Variants in ANKIB1 observed in about 807,000 individuals in gnomAD.
ANKIB1 encodes the protein ankyrin repeat and IBR domain containing 1, also known as ankyrin repeat and IBR domain-containing protein 1.
ANKIB1 carries 43 observed loss-of-function variants against 122.1 expected under a neutral mutation model. That is an observed-to-expected ratio of 0.35 (90% CI 0.28 to 0.45). The LOEUF (loss-of-function observed/expected upper bound fraction) is 0.45. Ranked by LOEUF, ANKIB1 falls within the 20% of genes least tolerant of loss-of-function variation. ANKIB1 has a pLI of 1.00. For missense variants in ANKIB1, 992 were observed against 1,329.5 expected, an observed-to-expected ratio of 0.75 and a Z score of 3.95; for synonymous variants, 390 against 442.0, an observed-to-expected ratio of 0.88 and a Z score of 1.48.
intron 5 of ANKIB1, among the ~76,000 whole-genome samples, chr7:92,342,199 ACAGAAATTGGTTTCAAATCT>A: frequency 6.6e-6 from 1 of 152,188 alleles, no homozygotes; most frequent in Non-Finnish European, 1.5e-5. Flanking sequence ...CTTTGGAATC[ACAGAAATTGGTTTCAAATCT>A]CTGTGTGAGC....
At chr7:92,281,976 G>A (rs1314912025) in intron 1 of ANKIB1, among the ~76,000 whole-genome samples, 1 of 152,006 alleles carries the variant, frequency 6.6e-6, no homozygotes, top group Non-Finnish European at 1.5e-5. Flanking sequence ...AAAATTTCAA[G>A]CATTTAACAC....
At chr7:92,369,043 AAAG>A (rs1265677761) in intron 10 of ANKIB1, among the ~76,000 whole-genome samples, 4 of 152,332 alleles carry the variant, frequency 2.6e-5, no homozygotes, top group East Asian at 1.9e-4. Flanking sequence ...GTTGATGCTG[AAAG>A]AAGAAGAAAG....
chr7:92,396,988 A>T (rs1176307878), intron 18 of ANKIB1, among the ~76,000 whole-genome samples: 3 of 152,218 alleles, frequency 2.0e-5, no homozygotes, highest in African/African-American at 7.2e-5. Context: ...TTTAAATGTT[A>T]AATTATTAAG....
At chr7:92,270,440 G>A (rs1801762976) in intron 1 of ANKIB1, among the ~76,000 whole-genome samples, 1 of 152,142 alleles carries the variant, frequency 6.6e-6, no homozygotes, top group South Asian at 2.1e-4. Flanking sequence ...ATGACATAGA[G>A]AAGCTGAAAC....
chr7:92,295,023 T>C lies in ANKIB1; in HGVS notation c.45T>C (p.Gly15=). ...AATTCCGTAAAGCACTCATCAATGG[T>C]GATGAAAACCTGGCCTGCCAAATAT... ...TTKFRKALIN[G]DENLACQIYE... is the part of the protein sequence containing the mutation. The change falls in exon 2 of 20, where the codon GGT becomes GGC. Residue 15 remains glycine (G), a synonymous_variant. Coordinates refer to ENST00000265742, the MANE Select transcript of ANKIB1 (RefSeq NM_019004.2). The C allele has an allele frequency of 6.2e-7, 1 of 1,606,934 alleles. No homozygotes were observed. Among genetic ancestry groups the C allele is most frequent in the Non-Finnish European group, 8.5e-7 (1 of 1,176,712 alleles).
intron 1 of ANKIB1, among the ~76,000 whole-genome samples, chr7:92,257,245 TGAA>T (rs1320098549): frequency 6.6e-6 from 1 of 151,842 alleles, no homozygotes; most frequent in Non-Finnish European, 1.5e-5. Flanking sequence ...ATTGTTACAA[TGAA>T]GAAGTCGTTA....
chr7:92,372,827 T>C (rs1331051539), intron 11 of ANKIB1, among the ~76,000 whole-genome samples: 4 of 152,132 alleles, frequency 2.6e-5, no homozygotes, highest in African/African-American at 9.7e-5. Flanking sequence ...TTTTTTGCTT[T>C]ATCATTAGAA....
chr7:92,269,912 C>T (rs768219767), intron 1 of ANKIB1, among the ~76,000 whole-genome samples: 30 of 151,936 alleles, frequency 2.0e-4, no homozygotes, highest in Admixed American at 2.0e-3. Context: ...TCATCATTTA[C>T]GTTAGGTATT....
At chr7:92,305,610 G>T (rs941211545) in intron 2 of ANKIB1, among the ~76,000 whole-genome samples, 1 of 152,188 alleles carries the variant, frequency 6.6e-6, no homozygotes, top group East Asian at 1.9e-4. Flanking sequence ...TGGTGGGGGA[G>T]CCTAGTGTAA....
chr7:92,270,678 C>T (rs1801767030), intron 1 of ANKIB1, among the ~76,000 whole-genome samples: 1 of 151,094 alleles, frequency 6.6e-6, no homozygotes, highest in South Asian at 2.1e-4. Context: ...GTCGTACCCT[C>T]TGCCACTCGC....
chr7:92,299,545 C>A (rs1210664537), intron 2 of ANKIB1, among the ~76,000 whole-genome samples: 1 of 152,096 alleles, frequency 6.6e-6, no homozygotes, highest in South Asian at 2.1e-4. Context: ...TCTCACTTTC[C>A]TAACTATATA....
chr7:92,362,312 G>A, intron 10 of ANKIB1, 39 bp downstream of exon 10: 3 of 1,522,514 alleles, frequency 2.0e-6, no homozygotes, highest in African/African-American at 2.8e-5. Flanking sequence ...CATATTTCCT[G>A]ATAGCATTCA....
chr7:92,283,924 C>T (rs971598500), intron 1 of ANKIB1, among the ~76,000 whole-genome samples: 20 of 152,220 alleles, frequency 1.3e-4, no homozygotes, highest in African/African-American at 3.9e-4. Flanking sequence ...GCATGTGCCA[C>T]CAGGCACAGC....
chr7:92,251,363 A>G (rs1257075437), intron 1 of ANKIB1, among the ~76,000 whole-genome samples: 1 of 152,210 alleles, frequency 6.6e-6, no homozygotes, highest in Non-Finnish European at 1.5e-5. Context: ...CCTTCAGAGT[A>G]TGGTAAAGGA....
chr7:92,289,886 G>A (rs1802211256), intron 1 of ANKIB1, among the ~76,000 whole-genome samples: 1 of 152,086 alleles, frequency 6.6e-6, no homozygotes, highest in Non-Finnish European at 1.5e-5. Flanking sequence ...GCACTATCTC[G>A]GCTCACTGCA....
chr7:92,373,646 T>G (rs1381893878), intron 11 of ANKIB1, among the ~76,000 whole-genome samples: 2 of 152,172 alleles, frequency 1.3e-5, no homozygotes, highest in Non-Finnish European at 2.9e-5. Flanking sequence ...CAAAATCATA[T>G]ATACTATATT....
chr7:92,305,596 G>C (rs1802543753), intron 2 of ANKIB1, among the ~76,000 whole-genome samples: 1 of 152,178 alleles, frequency 6.6e-6, no homozygotes, highest in South Asian at 2.1e-4. Flanking sequence ...GTGGCAAACT[G>C]AACTGGTGGG....
At position 92,398,716 on chromosome 7, in the gene ANKIB1, G is replaced by C; in HGVS notation, c.3037G>C (p.Asp1013His). The change falls in exon 20 of 20, where the codon GAT becomes CAT. Residue 1013 changes from aspartate (D) to histidine (H), a missense_variant. Coordinates refer to ENST00000265742, the MANE Select transcript of ANKIB1 (RefSeq NM_019004.2). ...CIKDGSEGVK[D>H]VELVLPEDSM... ...CAAAGATGGGTCAGAAGGTGTGAAG[G>C]ATGTGGAACTGGTGCTGCCAGAAGA... 6.2e-7 allele frequency: 1 copy of C among 1,613,690 alleles called. No individual in the cohort carries two copies. Among genetic ancestry groups the C allele is most frequent in the South Asian group, 1.1e-5 (1 of 91,028 alleles).
chr7:92,363,132 C>T (rs771372511), intron 10 of ANKIB1, among the ~76,000 whole-genome samples: 4 of 151,958 alleles, frequency 2.6e-5, no homozygotes, highest in Non-Finnish European at 5.9e-5. Flanking sequence ...TTATAGGGGC[C>T]GGGCGCAGGG....
Sources: gnomAD v4.1 joint callset for allele counts (sites outside exome capture counted in the v4.1 genomes callset) on GRCh38, gnomAD v4.1.1 for gene constraint, MANE v1.5 for transcripts, NCBI Gene and HGNC (gene_info 2026-07-23, HGNC 2026-07-21) for gene names.